UNC79: variants seen among roughly 807,000 people sequenced by gnomAD.
UNC79 encodes unc-79 subunit of NALCN channel complex.
UNC79 carries 37 observed loss-of-function variants against 283.1 expected under a neutral mutation model. The ratio of observed to expected loss-of-function variants is 0.13; its 90% confidence interval spans 0.10 to 0.17. UNC79 has a LOEUF of 0.17. Ranked by LOEUF, UNC79 falls within the 10% of genes least tolerant of loss-of-function variation. The pLI is 1.00. For missense variants in UNC79, 2,272 were observed against 3,211.1 expected, an observed-to-expected ratio of 0.71 and a Z score of 7.07; for synonymous variants, 1,107 against 1,200.2, an observed-to-expected ratio of 0.92 and a Z score of 1.61.
chr14:93,363,869 C>T (rs2054274089), intron 1 of UNC79, among the ~76,000 whole-genome samples: 1 of 152,072 alleles, frequency 6.6e-6, no homozygotes, highest in Non-Finnish European at 1.5e-5. Flanking sequence ...CAGGCGCCTG[C>T]CACCACACCC....
chr14:93,427,687 A>C (rs1302441450), upstream of UNC79, among the ~76,000 whole-genome samples: 2 of 151,620 alleles, frequency 1.3e-5, no homozygotes, highest in Admixed American at 1.3e-4. Flanking sequence ...TGTTTGCTAC[A>C]TTATAACAAG....
intron 22 of UNC79, among the ~76,000 whole-genome samples, chr14:93,589,247 G>A (rs2064476642): frequency 6.6e-6 from 1 of 152,154 alleles, no homozygotes; most frequent in Non-Finnish European, 1.5e-5. Context: ...TGGGCAAAGG[G>A]TTTACTGGGG....
At chr14:93,605,061 A>T (rs191099697) in intron 26 of UNC79, 100 bp downstream of exon 27, 139 of 1,274,750 alleles carry the variant, frequency 1.1e-4, no homozygotes, top group Non-Finnish European at 8.7e-5. Context: ...TGATATACCT[A>T]GGATTTGCAA....
At chr14:93,335,180 G>C (rs1184450737) in intron 1 of UNC79, 2 of 152,184 alleles carry the variant, frequency 1.3e-5, no homozygotes, top group African/African-American at 4.8e-5. Flanking sequence ...TGCACAGCTG[G>C]AGACTTCTAG....
At chr14:93,654,459 A>G (rs1173901940) in intron 37 of UNC79, among the ~76,000 whole-genome samples, 5 of 148,680 alleles carry the variant, frequency 3.4e-5, no homozygotes, top group Admixed American at 2.0e-4. Flanking sequence ...TGGCTACATT[A>G]CACTCCAAGT....
chr14:93,684,244 A>G lies in UNC79; in HGVS notation c.6819+1550A>G, dbSNP rs971776918. ...TCCACCTCAATGATTAGACTTATTG[A>G]TGGTAAAATGAAACAAGCATTCTTG... On this transcript the variant is annotated intron_variant, in intron 42 of 48. Transcript: ENST00000555664. 5.3e-5 allele frequency among the ~76,000 whole-genome samples: 8 copies of G among 152,266 alleles called. No individual in the cohort carries two copies. In the East Asian group the frequency reaches 1.2e-3, roughly 22 times the overall value.
At chr14:93,342,337 C>G (rs960024527) in intron 1 of UNC79, among the ~76,000 whole-genome samples, 3 of 152,236 alleles carry the variant, frequency 2.0e-5, no homozygotes, top group African/African-American at 7.2e-5. Flanking sequence ...CAAGCTCTAC[C>G]TTGATCCTTT....
At chr14:93,404,696 T>C (rs2055191388) in intron 1 of UNC79, among the ~76,000 whole-genome samples, 1 of 149,974 alleles carries the variant, frequency 6.7e-6, no homozygotes, top group Non-Finnish European at 1.5e-5. Context: ...AAATAAGATA[T>C]GAAATATAAG....
At chr14:93,339,420 C>T (rs2053652104) in intron 1 of UNC79, among the ~76,000 whole-genome samples, 2 of 152,308 alleles carry the variant, frequency 1.3e-5, no homozygotes, top group East Asian at 1.9e-4. Context: ...CTGCCTCAGC[C>T]TCCCGAGTAG....
intron 1 of UNC79, among the ~76,000 whole-genome samples, chr14:93,336,550 C>T (rs1467872106): frequency 6.6e-6 from 1 of 152,112 alleles, no homozygotes; most frequent in Non-Finnish European, 1.5e-5. Flanking sequence ...ACCATGTTGG[C>T]CAGGCTGGTC....
At chr14:93,344,086 C>G (rs889632146) in intron 1 of UNC79, among the ~76,000 whole-genome samples, 6 of 152,040 alleles carry the variant, frequency 3.9e-5, no homozygotes, top group Admixed American at 2.6e-4. Flanking sequence ...TCACCACTGT[C>G]GAAAGTGTTT....
chr14:93,484,877 C>T (rs1003288913), intron 4 of UNC79, among the ~76,000 whole-genome samples: 1 of 152,112 alleles, frequency 6.6e-6, no homozygotes, highest in Non-Finnish European at 1.5e-5. Flanking sequence ...AGGGCTTGAG[C>T]CAGGGGAATG....
chr14:93,670,460 G>A lies in UNC79; in HGVS notation c.6637-2891G>A, dbSNP rs115412722. Among the ~76,000 whole-genome samples the A allele has an allele frequency of 3.6e-3, 550 of 152,246 alleles. 3 individuals are homozygous for A. Among genetic ancestry groups the A allele is most frequent in the African/African-American group, 0.013 (529 of 41,546 alleles). On this transcript the variant is annotated intron_variant, in intron 40 of 48. Coordinates refer to ENST00000555664, the Ensembl canonical transcript of UNC79. ...GCTCACAGAACTCAGGAAAGCACTTGCTTACATTTACCAGTTATAAAGGAT... is the reference window on the plus strand; with the variant it reads ...GCTCACAGAACTCAGGAAAGCACTTACTTACATTTACCAGTTATAAAGGAT...
At chr14:93,454,359 T>C (rs950064980) in intron 1 of UNC79, among the ~76,000 whole-genome samples, 1 of 152,206 alleles carries the variant, frequency 6.6e-6, no homozygotes, top group Non-Finnish European at 1.5e-5. Flanking sequence ...CTTTTTTCCA[T>C]TGACAGGTGT....
Position 93,688,909 on chromosome 14 carries a change from C to T in UNC79, c.7085+69C>T. 6.5e-7 allele frequency: 1 copy of T among 1,540,824 alleles called. No homozygotes were observed. The highest frequency in any genetic ancestry group is 8.8e-7 in the Non-Finnish European group (1 of 1,134,934). On this transcript the variant is annotated intron_variant, in intron 44 of 48. Coordinates refer to ENST00000555664, the Ensembl canonical transcript of UNC79. The surrounding 1 kb of genome is among the most constrained non-coding windows in gnomAD (Gnocchi z 4.0). ...AGACACCCCTGAGTTTCCTCGGGCT[C>T]AGCTAGAGTTAAGGAGTACACCGAA...
At chr14:93,425,715 A>C (rs1485338480), upstream of UNC79, among the ~76,000 whole-genome samples, 1 of 152,226 alleles carries the variant, frequency 6.6e-6, no homozygotes, top group Non-Finnish European at 1.5e-5. Flanking sequence ...ATAAACATAA[A>C]TTTAAGTTGA....
chr14:93,570,644 G>A (rs1048048104), intron 14 of UNC79, among the ~76,000 whole-genome samples: 1 of 152,086 alleles, frequency 6.6e-6, no homozygotes, highest in Non-Finnish European at 1.5e-5. Context: ...TTAAGGGAGC[G>A]TTTTAGGCTA....
At chr14:93,547,026 A>G (rs1245067851) in intron 14 of UNC79, among the ~76,000 whole-genome samples, 1 of 152,126 alleles carries the variant, frequency 6.6e-6, no homozygotes, top group East Asian at 1.9e-4. Flanking sequence ...AAATAGTCAT[A>G]GTTAAAGATC....
chr14:93,656,349 A>T (rs993977157), intron 38 of UNC79, among the ~76,000 whole-genome samples: 1 of 152,150 alleles, frequency 6.6e-6, no homozygotes, highest in African/African-American at 2.4e-5. Context: ...TCATGCCTGT[A>T]ATCCCAACAC....
Sources: gnomAD v4.1 joint callset for allele counts (sites outside exome capture counted in the v4.1 genomes callset) on GRCh38, gnomAD v4.1.1 for gene constraint, Gnocchi (gnomAD v3.1) non-coding constraint, MANE v1.5 for transcripts, NCBI Gene and HGNC (gene_info 2026-07-23, HGNC 2026-07-21) for gene names.